ASTN2: variants seen among roughly 807,000 people sequenced by gnomAD.
ASTN2 encodes astrotactin 2.
A neutral mutation model predicts 139.8 loss-of-function variants in ASTN2; 54 were observed. That is an observed-to-expected ratio of 0.39 (90% CI 0.31 to 0.48). The LOEUF (loss-of-function observed/expected upper bound fraction) is 0.48, where lower values mean the gene tolerates loss of function less well. Among genes scored for constraint, ASTN2 ranks in the 20% least tolerant of loss-of-function variants. ASTN2 has a pLI of 0.95. For missense variants in ASTN2, 1,565 were observed against 1,725.1 expected, an observed-to-expected ratio of 0.91 and a Z score of 1.64; for synonymous variants, 756 against 719.5, an observed-to-expected ratio of 1.05 and a Z score of -0.81.
chr9:117,084,802 C>T (rs569788059), intron 5 of ASTN2, among the ~76,000 whole-genome samples: 1 of 152,272 alleles, frequency 6.6e-6, no homozygotes, highest in Non-Finnish European at 1.5e-5. Flanking sequence ...GTTCTCGATG[C>T]TGGCTAATAT....
intron 1 of ASTN2, among the ~76,000 whole-genome samples, chr9:117,293,768 T>C (rs1009743342): frequency 1.3e-5 from 2 of 152,168 alleles, no homozygotes; most frequent in Non-Finnish European, 2.9e-5. Flanking sequence ...TTATGGTAAA[T>C]GGTCTGGCTC....
chr9:116,906,381 T>C (rs1564334182), intron 10 of ASTN2, among the ~76,000 whole-genome samples: 3 of 152,228 alleles, frequency 2.0e-5, no homozygotes, highest in African/African-American at 7.2e-5. Flanking sequence ...AATCTGGACA[T>C]AGGAAACTGA....
intron 11 of ASTN2, among the ~76,000 whole-genome samples, chr9:116,826,531 C>T (rs1831630732): frequency 6.6e-6 from 1 of 152,168 alleles, no homozygotes; most frequent in African/African-American, 2.4e-5. Context: ...TGGGGACTAG[C>T]CCGCCCAACC....
intron 2 of ASTN2, among the ~76,000 whole-genome samples, chr9:117,274,872 T>C (rs567132838): frequency 3.3e-5 from 5 of 152,348 alleles, no homozygotes; most frequent in Admixed American, 1.3e-4. Flanking sequence ...GATAACCTTA[T>C]TACCTCCTTA....
chr9:116,473,136 T>C (rs1233480607), intron 20 of ASTN2, among the ~76,000 whole-genome samples: 3 of 152,134 alleles, frequency 2.0e-5, no homozygotes, highest in Non-Finnish European at 4.4e-5. Flanking sequence ...TGATAAATGG[T>C]ACATGATGAC....
chr9:117,224,435 T>C (rs1017479053), intron 2 of ASTN2, among the ~76,000 whole-genome samples: 3 of 152,164 alleles, frequency 2.0e-5, no homozygotes, highest in Admixed American at 2.0e-4. Flanking sequence ...AACCACTACT[T>C]CCCCTCCACT....
intron 3 of ASTN2, among the ~76,000 whole-genome samples, chr9:117,171,346 C>T (rs888315964): frequency 3.3e-5 from 5 of 152,116 alleles, no homozygotes; most frequent in African/African-American, 1.2e-4. Flanking sequence ...CCTGGCCTAG[C>T]TGTGTGACTG....
At chr9:116,771,573 CATGAATGA>C (rs542107463) in intron 13 of ASTN2, among the ~76,000 whole-genome samples, 3 of 152,088 alleles carry the variant, frequency 2.0e-5, no homozygotes, top group African/African-American at 7.2e-5. Flanking sequence ...AGTAGGAGCT[CATGAATGA>C]ATGAATGAAT....
chr9:116,890,840 C>A (rs552124965), intron 10 of ASTN2, among the ~76,000 whole-genome samples: 10 of 152,096 alleles, frequency 6.6e-5, no homozygotes, highest in Non-Finnish European at 8.8e-5. Context: ...AACTCAGCAC[C>A]GCCTGAGGCA....
chr9:117,262,047 T>C (rs1448127642), intron 2 of ASTN2, among the ~76,000 whole-genome samples: 1 of 152,218 alleles, frequency 6.6e-6, no homozygotes, highest in Non-Finnish European at 1.5e-5. Flanking sequence ...ATTATCCTAA[T>C]GGCCTCTATC....
At chr9:116,539,365 A>T (rs1851781789) in intron 19 of ASTN2, among the ~76,000 whole-genome samples, 1 of 149,764 alleles carries the variant, frequency 6.7e-6, no homozygotes, top group South Asian at 2.1e-4. Context: ...TGAAGCTATT[A>T]AAAAAATCTA....
intron 20 of ASTN2, among the ~76,000 whole-genome samples, chr9:116,454,590 A>G (rs984638066): frequency 1.3e-5 from 2 of 152,192 alleles, no homozygotes; most frequent in East Asian, 3.8e-4. Flanking sequence ...GCACATACAC[A>G]TATGTTTATT....
intron 1 of ASTN2, among the ~76,000 whole-genome samples, chr9:117,326,012 C>T (rs913087311): frequency 2.6e-5 from 4 of 152,068 alleles, no homozygotes; most frequent in African/African-American, 9.7e-5. Context: ...CATTCTCATC[C>T]CTTTCAGAAG....
intron 6 of ASTN2, among the ~76,000 whole-genome samples, chr9:117,017,103 C>T (rs1837736863): frequency 6.6e-6 from 1 of 151,780 alleles, no homozygotes; most frequent in African/African-American, 2.4e-5. Context: ...TATCTTTTCC[C>T]CCAAGAATAC....
rs905584295 is a variant in ASTN2, at chr9:117,218,878, A to G, written c.631-4136T>C. ...TCTCTGATTAACAATTTTATTATCTATAAAATCAGGTCATAGACTTCTTTA... is the reference window on the plus strand; with the variant it reads ...TCTCTGATTAACAATTTTATTATCTGTAAAATCAGGTCATAGACTTCTTTA... On this transcript the variant is annotated intron_variant, in intron 2 of 22. Coordinates refer to ENST00000313400, the MANE Select transcript of ASTN2 (RefSeq NM_001365068.1). Among the ~76,000 whole-genome samples the G allele has an allele frequency of 5.3e-5, 8 of 152,324 alleles. No individual in the cohort carries two copies. In the South Asian group the frequency reaches 1.4e-3, roughly 28 times the overall value.
intron 1 of ASTN2, among the ~76,000 whole-genome samples, chr9:117,313,852 A>AGAC (rs1828052840): frequency 6.6e-6 from 1 of 152,204 alleles, no homozygotes; most frequent in Non-Finnish European, 1.5e-5. Flanking sequence ...CTTGAAAACC[A>AGAC]GACTCAACCA....
chr9:117,242,004 CTTTTTTTTTT>C (rs10579284), intron 2 of ASTN2, among the ~76,000 whole-genome samples: 2 of 42,476 alleles, frequency 4.7e-5, no homozygotes, highest in African/African-American at 1.8e-4. Flanking sequence ...TTTGGCAAGT[CTTTTTTTTTT>C]TTTTTTTTTT....
chr9:116,456,577 T>A (rs1394905507), intron 20 of ASTN2, among the ~76,000 whole-genome samples: 2 of 152,174 alleles, frequency 1.3e-5, no homozygotes, highest in African/African-American at 4.8e-5. Flanking sequence ...GGTTTCACAA[T>A]CATGGTGGAA....
rs1037609997 is a variant in ASTN2 at position 117,305,991 on chromosome 9, C to T, written c.443-14478G>A. 5.9e-5 allele frequency among the ~76,000 whole-genome samples: 9 copies of T among 152,310 alleles called. No homozygotes were observed. In the South Asian group the frequency reaches 1.0e-3, roughly 18 times the overall value. On this transcript the variant is annotated intron_variant, in intron 1 of 22. Coordinates refer to ENST00000313400, the MANE Select transcript of ASTN2 (RefSeq NM_001365068.1). ...TTAATATAGACATCATTTGAGATCA[C>T]TTGCTTTGAAGCAACAGAGCCTGTC...
Sources: gnomAD v4.1 joint callset for allele counts (sites outside exome capture counted in the v4.1 genomes callset) on GRCh38, gnomAD v4.1.1 for gene constraint, MANE v1.5 for transcripts, NCBI Gene and HGNC (gene_info 2026-07-23, HGNC 2026-07-21) for gene names.